SEMA3C: variants seen among roughly 807,000 people sequenced by gnomAD.
The protein encoded by SEMA3C is semaphorin 3C, also known as semaphorin-3C.
Under a neutral mutation model 89.4 loss-of-function variants are expected in SEMA3C, and 47 were observed. That is an observed-to-expected ratio of 0.53 (90% CI 0.42 to 0.67). The LOEUF is 0.67. SEMA3C is among the 30% of genes least tolerant of loss of function. The pLI is 0.00. For synonymous variants in SEMA3C, 310 were observed against 320.2 expected, an observed-to-expected ratio of 0.97 and a Z score of 0.34; for missense variants, 839 against 929.1, an observed-to-expected ratio of 0.90 and a Z score of 1.26.
chr7:80,760,937 T>A (rs897452573), intron 14 of SEMA3C, among the ~76,000 whole-genome samples: 4 of 152,178 alleles, frequency 2.6e-5, no homozygotes, highest in Non-Finnish European at 5.9e-5. Flanking sequence ...GTTTTTTAAA[T>A]AATACCTTTT....
chr7:80,888,473 T>A (rs867523949), intron 2 of SEMA3C, among the ~76,000 whole-genome samples: 1 of 151,870 alleles, frequency 6.6e-6, no homozygotes, highest in Non-Finnish European at 1.5e-5. Context: ...TAAAAATAAA[T>A]AAATAAATAA....
In SEMA3C at chr7:80,758,437, G is replaced by A. The variant is rs1395913139; in HGVS notation, c.1537C>T (p.Arg513Cys). Residue 513 changes from arginine (R) to cysteine (C), a missense_variant, in exon 15 of 18, where the codon CGC becomes TGC. Coordinates refer to ENST00000265361, the MANE Select transcript of SEMA3C (RefSeq NM_006379.5). ...NEGVSQVSLHRCHIYGTACAD... is the reference protein window; with the variant it reads ...NEGVSQVSLHCCHIYGTACAD... ...CAGGCTGTACCATAGATGTGGCAGC[G>A]GTGCAGAGATACCTGGGAAACCCCT... 9 of 1,613,768 alleles carry A rather than the reference G, an allele frequency of 5.6e-6. No individual in the cohort carries two copies. Among genetic ancestry groups the A allele is most frequent in the South Asian group, 3.3e-5 (3 of 91,062 alleles).
At chr7:80,754,957 G>GTTTTTTTTTTGTTTTGTTTTTTT (rs1449995090) in intron 15 of SEMA3C, among the ~76,000 whole-genome samples, 3 of 108,368 alleles carry the variant, frequency 2.8e-5, no homozygotes, top group African/African-American at 1.1e-4. Flanking sequence ...GTTTTTTTTT[G>GTTTTTTTTTTGTTTTGTTTTTTT]TTTTTTTTTT....
chr7:80,761,592 A>T, intron 14 of SEMA3C, 24 bp downstream of exon 14: 4 of 1,178,338 alleles, frequency 3.4e-6, no homozygotes, highest in Non-Finnish European at 4.9e-6. Context: ...ATAAGCAAAG[A>T]ACATAAAATA....
At chr7:80,820,602 A>C (rs1172541639) in intron 4 of SEMA3C, among the ~76,000 whole-genome samples, 1 of 152,100 alleles carries the variant, frequency 6.6e-6, no homozygotes, top group Non-Finnish European at 1.5e-5. Context: ...CTCTAGTCAA[A>C]GAAATTAATC....
At position 80,750,473 on chromosome 7, in the gene SEMA3C, T is replaced by TATACACACACAC. The variant is rs869227686; in HGVS notation, c.1711+795_1711+796insGTGTGTGTGTAT. 8.4e-3 allele frequency among the ~76,000 whole-genome samples: 465 copies of TATACACACACAC among 55,148 alleles called. 6 individuals carry two copies. Among genetic ancestry groups the TATACACACACAC allele is most frequent in the Non-Finnish European group, 0.013 (367 of 28,198 alleles). 36.2% of individuals were successfully genotyped at this position (55,148 alleles called of 152,430 possible). ...ATATATATATATATATATATATATA[T>TATACACACACAC]ACACACACACACACACACACACACA... On this transcript the variant is annotated intron_variant, in intron 16 of 17. Transcript: ENST00000265361.
intron 11 of SEMA3C, chr7:80,793,379 T>C (rs972833732): frequency 6.0e-6 from 2 of 336,134 alleles, no homozygotes; most frequent in African/African-American, 2.2e-5. Flanking sequence ...AGAATATACT[T>C]ATATGTTAAT....
At chr7:80,805,795 T>A in intron 6 of SEMA3C, 37 bp from the exon 7 acceptor site, 1 of 1,514,382 alleles carries the variant, frequency 6.6e-7, no homozygotes, top group Non-Finnish European at 9.1e-7. Flanking sequence ...TGTAAATTTT[T>A]AAAGCTATTT....
At chr7:80,853,530 T>C (rs1187653681) in intron 2 of SEMA3C, among the ~76,000 whole-genome samples, 2 of 152,154 alleles carry the variant, frequency 1.3e-5, no homozygotes, top group Non-Finnish European at 2.9e-5. Context: ...AACACAAACT[T>C]ATGTGTTCTC....
In SEMA3C at chr7:80,881,209, A is replaced by ACACT. The variant is rs1554387804; in HGVS notation, c.103+35469_103+35470insAGTG. ...CACACACACACACACACACACACAC[A>ACACT]CTCTCTCTCATGTAAAGTTTTTCAA... On this transcript the variant is annotated intron_variant, in intron 2 of 17. Coordinates refer to ENST00000265361, the MANE Select transcript of SEMA3C (RefSeq NM_006379.5). Among the ~76,000 whole-genome samples, 133 of 137,010 alleles carry ACACT rather than the reference A, an allele frequency of 9.7e-4. 1 individual carries two copies. Among genetic ancestry groups the ACACT allele is most frequent in the Admixed American group, 3.6e-3 (49 of 13,442 alleles). 89.9% of individuals were successfully genotyped at this position (137,010 alleles called of 152,430 possible).
intron 2 of SEMA3C, among the ~76,000 whole-genome samples, chr7:80,858,604 T>G (rs532135115): frequency 6.6e-6 from 1 of 152,310 alleles, no homozygotes; most frequent in African/African-American, 2.4e-5. Context: ...TAATAGGCAT[T>G]AGTTTTGTGT....
chr7:80,909,195 C>G (rs1433575519), intron 2 of SEMA3C, among the ~76,000 whole-genome samples: 1 of 152,052 alleles, frequency 6.6e-6, no homozygotes, highest in Non-Finnish European at 1.5e-5. Context: ...ATAAGTTTTT[C>G]CTAAAATAAT....
At chr7:80,875,058 T>C (rs769522838) in intron 2 of SEMA3C, among the ~76,000 whole-genome samples, 3 of 150,172 alleles carry the variant, frequency 2.0e-5, no homozygotes, top group Non-Finnish European at 4.4e-5. Context: ...TACTCCAGCC[T>C]GGGCGATGGA....
At chr7:80,776,706 GT>G (rs1788556779) in intron 12 of SEMA3C, among the ~76,000 whole-genome samples, 1 of 152,164 alleles carries the variant, frequency 6.6e-6, no homozygotes, top group Non-Finnish European at 1.5e-5. Flanking sequence ...TGTTACTGAA[GT>G]TTTAAAAATA....
intron 17 of SEMA3C, among the ~76,000 whole-genome samples, chr7:80,748,611 T>C (rs989554385): frequency 1.6e-4 from 24 of 152,234 alleles, no homozygotes; most frequent in African/African-American, 5.8e-4. Flanking sequence ...TTTGCACACA[T>C]CTTGTTTCTT....
rs556689238 is a variant in SEMA3C, at chr7:80,784,183, G to T, written c.1354+5123C>A. Among the ~76,000 whole-genome samples, 11 of 152,062 alleles carry T rather than the reference G, an allele frequency of 7.2e-5. 1 individual carries two copies. The South Asian group carries it at 2.3e-3, about 32-fold the overall frequency. ...ACAGTCTGCTTTGAACAAACAGCCTGGATGTAAGCAGTAGGTGGCAAAGTT... is the reference window on the plus strand; with the variant it reads ...ACAGTCTGCTTTGAACAAACAGCCTTGATGTAAGCAGTAGGTGGCAAAGTT... On this transcript the variant is annotated intron_variant, in intron 12 of 17. Transcript: ENST00000265361.
chr7:80,769,096 T>C (rs897948318), intron 12 of SEMA3C, among the ~76,000 whole-genome samples: 1 of 152,328 alleles, frequency 6.6e-6, no homozygotes, highest in South Asian at 2.1e-4. Context: ...ATAATAGTTG[T>C]ACTATTTATG....
At chr7:80,765,120 G>C (rs1285208448) in intron 13 of SEMA3C, 35 bp downstream of exon 13, 12 of 1,416,144 alleles carry the variant, frequency 8.5e-6, no homozygotes, top group Non-Finnish European at 1.1e-5. Context: ...CACTCATCAT[G>C]CATGTTCTGA....
chr7:80,872,605 C>T (rs1791089126), intron 2 of SEMA3C, among the ~76,000 whole-genome samples: 1 of 151,536 alleles, frequency 6.6e-6, no homozygotes, highest in Non-Finnish European at 1.5e-5. Context: ...AGATCCAGAC[C>T]ATCCTGGTCA....
Sources: gnomAD v4.1 joint callset for allele counts (sites outside exome capture counted in the v4.1 genomes callset) on GRCh38, gnomAD v4.1.1 for gene constraint, MANE v1.5 for transcripts, NCBI Gene and HGNC (gene_info 2026-07-23, HGNC 2026-07-21) for gene names.